The following FGF12 variants were observed in gnomAD, a reference collection of about 807,000 sequenced individuals.
FGF12 encodes the protein fibroblast growth factor 12B.
Under a neutral mutation model 23.6 loss-of-function variants are expected in FGF12, and 14 were observed. The observed-to-expected ratio is 0.59, with a 90% confidence interval of 0.39 to 0.93. FGF12 has a LOEUF of 0.93. FGF12 is among the 40% of genes least tolerant of loss of function. The pLI is 0.00. For missense variants in FGF12, 175 were observed against 217.8 expected (o/e 0.80, Z 1.24); for synonymous variants, 62 against 77.3 (o/e 0.80, Z 1.04).
chr3:192,626,928 A>G (rs1715193540), intron 2 of FGF12, among the ~76,000 whole-genome samples: 1 of 152,204 alleles, frequency 6.6e-6, no homozygotes, highest in Non-Finnish European at 1.5e-5. Flanking sequence ...TTTTTAAACA[A>G]AAAGTATCAC....
intron 4 of FGF12, among the ~76,000 whole-genome samples, chr3:192,255,284 A>G (rs1274859107): frequency 6.6e-6 from 1 of 152,078 alleles, no homozygotes; most frequent in Non-Finnish European, 1.5e-5. Flanking sequence ...AATTATTAAT[A>G]TTATAAACAT....
chr3:192,682,723 T>G (rs1717577682), intron 2 of FGF12, among the ~76,000 whole-genome samples: 1 of 151,992 alleles, frequency 6.6e-6, no homozygotes, highest in Non-Finnish European at 1.5e-5. Context: ...TGAGTTTGAG[T>G]TAAGGAGGTG....
At chr3:192,318,724 A>T (rs1560067466) in intron 4 of FGF12, among the ~76,000 whole-genome samples, 1 of 152,254 alleles carries the variant, frequency 6.6e-6, no homozygotes, top group East Asian at 1.9e-4. Context: ...GTCAATATTC[A>T]AGCATAAGAA....
chr3:192,528,781 C>T lies in FGF12; in HGVS notation c.14-168243G>A, dbSNP rs145252763. Among the ~76,000 whole-genome samples, 1,411 of 152,278 alleles carry T rather than the reference C, an allele frequency of 9.3e-3. 22 individuals carry two copies. Among genetic ancestry groups the T allele is most frequent in the African/African-American group, 0.033 (1,355 of 41,560 alleles). ...CAGGCTGAACTCCACATTGGAACTA[C>T]CAAGGCTTGAGTCTTGCACCCTCTG... On this transcript the variant is annotated intron_variant, in intron 2 of 5. Coordinates refer to ENST00000445105, the MANE Select transcript of FGF12 (RefSeq NM_004113.6).
chr3:192,229,909 AACTT>A (rs1328154568), intron 4 of FGF12, among the ~76,000 whole-genome samples: 6 of 152,150 alleles, frequency 3.9e-5, no homozygotes. Flanking sequence ...TAAAATAAAC[AACTT>A]ACTTTTCATG....
At chr3:192,567,765 C>CTTT (rs1313614042) in intron 2 of FGF12, among the ~76,000 whole-genome samples, 1 of 132,230 alleles carries the variant, frequency 7.6e-6, no homozygotes, top group African/African-American at 2.7e-5. Context: ...TTCTTTCTTT[C>CTTT]TTTCTTTCTT....
rs146087195 is a variant in FGF12 at position 192,296,867 on chromosome 3, A to G, written c.228+38494T>C. ...AGTTTATACAGCCTAACTCTGTTCTATCATTTGCACTGATAACATTATTCC... is the reference window on the plus strand; with the variant it reads ...AGTTTATACAGCCTAACTCTGTTCTGTCATTTGCACTGATAACATTATTCC... On this transcript the variant is annotated intron_variant, in intron 4 of 5. Transcript: ENST00000445105. 7.0e-4 allele frequency among the ~76,000 whole-genome samples: 107 copies of G among 152,326 alleles called. 1 individual carries two copies. The highest frequency in any genetic ancestry group is 2.5e-3 in the African/African-American group (104 of 41,572).
At chr3:192,502,196 G>A (rs1724151744) in intron 2 of FGF12, among the ~76,000 whole-genome samples, 1 of 152,060 alleles carries the variant, frequency 6.6e-6, no homozygotes, top group South Asian at 2.1e-4. Flanking sequence ...CTTTGTTCTT[G>A]GAAATACCCC....
At chr3:192,152,151 A>G (rs1714089619) in intron 5 of FGF12, among the ~76,000 whole-genome samples, 1 of 94,836 alleles carries the variant, frequency 1.1e-5, no homozygotes, top group African/African-American at 4.0e-5. Flanking sequence ...TTTCTGTGGG[A>G]TCGGTGGTGA....
chr3:192,719,452 T>C (rs1718966118), intron 2 of FGF12, among the ~76,000 whole-genome samples: 1 of 152,116 alleles, frequency 6.6e-6, no homozygotes, highest in African/African-American at 2.4e-5. Context: ...AAGCCCATAG[T>C]AAAAAAGTAC....
chr3:192,145,821 TTTC>T (rs1188698078), intron 5 of FGF12, among the ~76,000 whole-genome samples: 14 of 152,196 alleles, frequency 9.2e-5, no homozygotes, highest in African/African-American at 1.4e-4. Context: ...CAAGTTTGTC[TTTC>T]TTCTTCTTTT....
intron 3 of FGF12, among the ~76,000 whole-genome samples, chr3:192,338,325 C>A (rs1717518793): frequency 6.6e-6 from 1 of 152,038 alleles, no homozygotes; most frequent in Non-Finnish European, 1.5e-5. Context: ...CCTTGTGATC[C>A]ACCTGTCTCG....
intron 2 of FGF12, among the ~76,000 whole-genome samples, chr3:192,656,873 A>G (rs550704338): frequency 6.6e-6 from 1 of 152,310 alleles, no homozygotes; most frequent in South Asian, 2.1e-4. Flanking sequence ...AATAGCCACA[A>G]TTATTAAATA....
chr3:192,572,731 G>A (rs781761892), intron 2 of FGF12, among the ~76,000 whole-genome samples: 94 of 152,218 alleles, frequency 6.2e-4, no homozygotes, highest in Non-Finnish European at 1.2e-3. Flanking sequence ...TTTAATCAGA[G>A]CTATAAAGCA....
At chr3:192,556,579 T>C (rs1001570754) in intron 2 of FGF12, among the ~76,000 whole-genome samples, 13 of 151,916 alleles carry the variant, frequency 8.6e-5, no homozygotes, top group African/African-American at 2.9e-4. Context: ...TAATAGGAGA[T>C]TTCAATACTC....
intron 2 of FGF12, among the ~76,000 whole-genome samples, chr3:192,383,290 T>C (rs918070168): frequency 6.6e-6 from 1 of 152,138 alleles, no homozygotes; most frequent in Non-Finnish European, 1.5e-5. Flanking sequence ...CTGTGAGATA[T>C]TATGGAGCCA....
At position 192,726,858 on chromosome 3, in the gene FGF12, T is replaced by C. The variant is rs530798830; in HGVS notation, c.13+323A>G. ...AATAGATTTATTTGAGTCCATCCAT[T>C]ATACAGAAAAGATATTGCTTTACTA... On this transcript the variant is annotated intron_variant, in intron 2 of 5. Transcript: ENST00000445105. The C allele has an allele frequency of 1.7e-3, 677 of 398,872 alleles. 1 individual carries two copies. The highest frequency in any genetic ancestry group is 3.1e-3 in the South Asian group (50 of 15,988). The allele number at this position is 398,872 out of a possible 1,614,324, so 24.7% of individuals were successfully genotyped here.
chr3:192,716,760 T>C (rs186856407), intron 2 of FGF12, among the ~76,000 whole-genome samples: 2 of 152,344 alleles, frequency 1.3e-5, no homozygotes, highest in East Asian at 3.9e-4. Context: ...CTCATTAACC[T>C]AGAAAGAGCG....
intron 4 of FGF12, among the ~76,000 whole-genome samples, chr3:192,294,973 G>A (rs575996285): frequency 7.9e-5 from 12 of 152,150 alleles, no homozygotes; most frequent in African/African-American, 2.9e-4. Context: ...TAATACCAGT[G>A]GACTCTAGCA....
Sources: gnomAD v4.1 joint callset for allele counts (sites outside exome capture counted in the v4.1 genomes callset) on GRCh38, gnomAD v4.1.1 for gene constraint, MANE v1.5 for transcripts, NCBI Gene and HGNC (gene_info 2026-07-23, HGNC 2026-07-21) for gene names.